Variants in LAMC3 observed in about 807,000 individuals in gnomAD.
LAMC3 encodes the protein laminin subunit gamma 3, also known as laminin subunit gamma-3.
LAMC3 carries 128 observed loss-of-function variants against 173.8 expected under a neutral mutation model. The observed-to-expected ratio is 0.74, with a 90% CI of 0.64 to 0.85. The LOEUF (loss-of-function observed/expected upper bound fraction) is 0.85, where lower values mean the gene tolerates loss of function less well. Among genes scored for constraint, LAMC3 ranks in the 40% least tolerant of loss-of-function variants. LAMC3 has a pLI of 0.00. For synonymous variants in LAMC3, 897 were observed against 909.1 expected (o/e 0.99, Z 0.24); for missense variants, 2,022 against 2,156.0 (o/e 0.94, Z 1.23).
intron 9 of LAMC3, among the ~76,000 whole-genome samples, chr9:131,051,004 C>A (rs28713493): frequency 6.6e-6 from 1 of 152,146 alleles, no homozygotes; most frequent in African/African-American, 2.4e-5. Flanking sequence ...CACCAGCTCC[C>A]GGGGCTCCCC....
chr9:131,015,846 C>T (rs1320202954), intron 1 of LAMC3, among the ~76,000 whole-genome samples: 2 of 152,036 alleles, frequency 1.3e-5, no homozygotes, highest in Non-Finnish European at 2.9e-5. Flanking sequence ...TTTGTAGTTA[C>T]GGGGTTTCAC....
At chr9:131,038,324 G>A (rs561600450) in intron 4 of LAMC3, among the ~76,000 whole-genome samples, 4 of 152,340 alleles carry the variant, frequency 2.6e-5, no homozygotes, top group South Asian at 4.1e-4. Flanking sequence ...GGCGGCAGGT[G>A]TAAATGGGTC....
rs1390740845 is a variant in LAMC3 at position 131,018,895 on chromosome 9, T to C, written c.374-7390T>C. ...TCCCTGGCTAATGGCTGCTCATCCT[T>C]GGAACCATAGGTTTGAGCGCCTTGT... is the stretch of plus-strand genomic sequence containing the variant. On this transcript the variant is annotated intron_variant, in intron 1 of 27. Coordinates refer to ENST00000361069, the MANE Select transcript of LAMC3 (RefSeq NM_006059.4). Among the ~76,000 whole-genome samples, 4 of 152,200 alleles carry C rather than the reference T, an allele frequency of 2.6e-5. No individual in the cohort carries two copies. In the East Asian group the frequency reaches 7.7e-4, roughly 29 times the overall value.
chr9:131,029,715 CT>C lies in LAMC3; in HGVS notation c.679-2329del, dbSNP rs951888887. On this transcript the variant is annotated intron_variant, in intron 2 of 27. Coordinates refer to ENST00000361069, the MANE Select transcript of LAMC3 (RefSeq NM_006059.4). The surrounding 1 kb of genome is among the most constrained non-coding windows in gnomAD (Gnocchi z 4.6). ...GTCCCTCTGACCCCCAAGGAAGGGC[CT>C]AGGACTTTGGAGGAGAAGGTCGACC... Among the ~76,000 whole-genome samples, 3 of 152,160 alleles carry C rather than the reference CT, an allele frequency of 2.0e-5. No individual in the cohort carries two copies. Among genetic ancestry groups the C allele is most frequent in the African/African-American group, 7.2e-5 (3 of 41,428 alleles).
chr9:131,019,345 C>T (rs183092979), intron 1 of LAMC3, among the ~76,000 whole-genome samples: 110 of 152,328 alleles, frequency 7.2e-4, no homozygotes, highest in Middle Eastern at 3.4e-3. Flanking sequence ...TGCCATGAAT[C>T]CTTATAGCTG....
At chr9:131,060,939 T>G (rs1254733401) in intron 12 of LAMC3, 96 bp from the exon 13 acceptor site, 17 of 1,316,374 alleles carry the variant, frequency 1.3e-5, no homozygotes, top group Non-Finnish European at 1.8e-5. Context: ...CCCACCCCAC[T>G]TCTGCCCGGG....
At chr9:131,032,737 C>T (rs934105003) in intron 3 of LAMC3, among the ~76,000 whole-genome samples, 7 of 152,288 alleles carry the variant, frequency 4.6e-5, no homozygotes, top group Admixed American at 3.9e-4. Flanking sequence ...GGTGCAATCT[C>T]AGCTCACTGC....
intron 23 of LAMC3, among the ~76,000 whole-genome samples, chr9:131,080,851 C>T (rs543877274): frequency 3.9e-5 from 6 of 152,268 alleles, no homozygotes; most frequent in Admixed American, 3.9e-4. Context: ...ACCCCATGAG[C>T]AATCAGAATA....
chr9:131,015,973 A>G (rs1833512891), intron 1 of LAMC3, among the ~76,000 whole-genome samples: 1 of 152,166 alleles, frequency 6.6e-6, no homozygotes, highest in South Asian at 2.1e-4. Flanking sequence ...CAGCATTTCC[A>G]CAATAGCCAA....
chr9:131,091,803 C>G lies in LAMC3; in HGVS notation c.*16C>G, dbSNP rs1830432696. On this transcript the variant is annotated 3_prime_UTR_variant, in exon 28 of 28. Coordinates refer to ENST00000361069, the MANE Select transcript of LAMC3 (RefSeq NM_006059.4). ...CTGGCAGTGAGGGCTGCCCAGATCC[C>G]CGGCACACACTCCCCCACCTGCTGT... 1.9e-6 allele frequency: 3 copies of G among 1,610,832 alleles called. No homozygotes were observed. The highest frequency in any genetic ancestry group is 2.5e-6 in the Non-Finnish European group (3 of 1,179,912).
chr9:131,049,068 C>T lies in LAMC3; in HGVS notation c.1568C>T (p.Pro523Leu), dbSNP rs535331935. ...ARSVGGSEHP[P>L]QWSPNGVLLS... The stretch of plus-strand genomic sequence containing the variant: ...AGTGTGGGGGGCTCTGAGCACCCCC[C>T]ACAATGGAGCCCAAATGGGGTCCTC... The change falls in exon 9 of 28, where the codon CCA becomes CTA. Residue 523 changes from proline (P) to leucine (L), a missense_variant. Pro to Leu is a moderately conservative substitution (Grantham distance 98). Coordinates refer to ENST00000361069, the MANE Select transcript of LAMC3 (RefSeq NM_006059.4). 32 of 1,552,290 alleles carry T rather than the reference C, an allele frequency of 2.1e-5. No individual in the cohort carries two copies. In the East Asian group the frequency reaches 4.6e-4, roughly 22 times the overall value.
rs200452667 is a variant in LAMC3, at chr9:131,087,786, C to T, written c.4446C>T (p.Ile1482=). ...CGCGTATCTCACTGGAGAAGGACAT[C>T]GAGACCTTGTCAGAGCTGCTTGCCA... ...RESRISLEKD[I]ETLSELLARL... is the part of the protein sequence containing the mutation. Residue 1482 remains isoleucine (I), a synonymous_variant, in exon 27 of 28, where the codon ATC becomes ATT. Transcript: ENST00000361069. The T allele has an allele frequency of 1.7e-4, 269 of 1,614,098 alleles. No individual in the cohort carries two copies. The Middle Eastern group carries it at 2.3e-3, about 14-fold the overall frequency.
chr9:131,037,176 G>A (rs1055572921), intron 4 of LAMC3, among the ~76,000 whole-genome samples: 3 of 152,202 alleles, frequency 2.0e-5, no homozygotes, highest in African/African-American at 7.2e-5. Flanking sequence ...AGCTGTGCTG[G>A]CTGGCTTCCA....
intron 7 of LAMC3, among the ~76,000 whole-genome samples, chr9:131,043,981 C>A (rs1418979391): frequency 2.2e-5 from 3 of 135,932 alleles, no homozygotes; most frequent in Admixed American, 7.7e-5. Context: ...TTTTTTGAGA[C>A]GGAGTTTCGC....
chr9:131,041,489 C>A (rs1032574385), intron 6 of LAMC3, 148 bp from the exon 7 acceptor site: 13 of 723,504 alleles, frequency 1.8e-5, no homozygotes, highest in Non-Finnish European at 3.2e-5. Context: ...ACTTCCTTGG[C>A]AAGATGGGAA....
Position 131,039,256 on chromosome 9 carries a change from C to G in LAMC3, c.1283+8C>G. The G allele has an allele frequency of 6.3e-7, 1 of 1,598,034 alleles. No homozygotes were observed. The highest frequency in any genetic ancestry group is 8.5e-7 in the Non-Finnish European group (1 of 1,176,248). ...CAGTGAGGGAGGCTGCAGGTGAGGG[C>G]GAGGGGCGGCCCAGTATGGACACAT... On this transcript the variant is annotated splice_region_variant and intron_variant, in intron 6 of 27. Transcript: ENST00000361069.
At chr9:131,012,289 G>A (rs1008545529) in intron 1 of LAMC3, among the ~76,000 whole-genome samples, 2 of 152,124 alleles carry the variant, frequency 1.3e-5, no homozygotes, top group African/African-American at 4.8e-5. Context: ...TTGGACTTAG[G>A]CCCAGCAGAG....
chr9:131,042,110 C>T (rs531378896), intron 7 of LAMC3, among the ~76,000 whole-genome samples: 7 of 152,168 alleles, frequency 4.6e-5, no homozygotes, highest in African/African-American at 1.7e-4. Context: ...AGCACTATCA[C>T]AGGCCTCCCG....
rs1392224879 is a variant in LAMC3 at position 131,067,514 on chromosome 9, C to T, written c.2593+309C>T. ...GGCTGACCCGGTGATCGCCCTGCGC[C>T]GGGTCTCCATGGCCATGCCTCCCCT... On this transcript the variant is annotated intron_variant, in intron 14 of 27. Transcript: ENST00000361069. Among the ~76,000 whole-genome samples the T allele has an allele frequency of 9.2e-5, 14 of 152,136 alleles. No individual in the cohort carries two copies. In the South Asian group the frequency reaches 1.9e-3, roughly 20 times the overall value.
Sources: allele counts gnomAD v4.1 joint callset (sites outside exome capture counted in the v4.1 genomes callset), GRCh38; gene constraint gnomAD v4.1.1; non-coding constraint Gnocchi (gnomAD v3.1); transcripts MANE v1.5; gene names NCBI Gene and HGNC (gene_info 2026-07-23, HGNC 2026-07-21).